The following GALNT7 variants were observed in gnomAD, a reference collection of about 807,000 sequenced individuals.
The protein encoded by GALNT7 is N-acetylgalactosaminyltransferase 7.
A neutral mutation model predicts 82.1 loss-of-function variants in GALNT7; 60 were observed. That is an observed-to-expected ratio of 0.73 (90% CI 0.59 to 0.91). The LOEUF (loss-of-function observed/expected upper bound fraction) is 0.91. Ranked by LOEUF, GALNT7 falls within the 40% of genes least tolerant of loss-of-function variation. GALNT7 has a pLI of 0.00. For missense variants in GALNT7, 660 were observed against 804.2 expected (o/e 0.82, Z 2.17); for synonymous variants, 243 against 275.1 (o/e 0.88, Z 1.15).
chr4:173,221,868 CT>C (rs1733654598), intron 1 of GALNT7, among the ~76,000 whole-genome samples: 1 of 152,160 alleles, frequency 6.6e-6, no homozygotes, highest in South Asian at 2.1e-4. Flanking sequence ...ATTTATTCAA[CT>C]TTCCCCATTC....
At chr4:173,182,421 A>G (rs1447817932) in intron 1 of GALNT7, among the ~76,000 whole-genome samples, 1 of 151,888 alleles carries the variant, frequency 6.6e-6, no homozygotes, top group South Asian at 2.1e-4. Flanking sequence ...ACTACAATCT[A>G]TTTTTTTCTC....
At chr4:173,290,756 C>A (rs542950598) in intron 2 of GALNT7, among the ~76,000 whole-genome samples, 38 of 152,334 alleles carry the variant, frequency 2.5e-4, no homozygotes, top group African/African-American at 7.9e-4. Flanking sequence ...TTCTGGCACA[C>A]AACCTGGTTT....
chr4:173,230,992 A>T (rs1424555791), intron 1 of GALNT7, among the ~76,000 whole-genome samples: 4 of 152,228 alleles, frequency 2.6e-5, no homozygotes, highest in African/African-American at 9.6e-5. Flanking sequence ...ACTTTTGCTC[A>T]CAAAAAGGCA....
chr4:173,311,448 G>T (rs1331033169), intron 8 of GALNT7, among the ~76,000 whole-genome samples: 1 of 152,234 alleles, frequency 6.6e-6, no homozygotes, highest in South Asian at 2.1e-4. Context: ...CAGTTCTGCA[G>T]GCTGTACAGG....
chr4:173,303,189 C>T (rs1363488767), intron 7 of GALNT7, among the ~76,000 whole-genome samples: 8 of 146,948 alleles, frequency 5.4e-5, no homozygotes, highest in Non-Finnish European at 1.2e-4. Context: ...AGCGAGACTC[C>T]GTCTCAAAAA....
chr4:173,199,111 A>T (rs1426249240), intron 1 of GALNT7, among the ~76,000 whole-genome samples: 1 of 152,220 alleles, frequency 6.6e-6, no homozygotes, highest in Non-Finnish European at 1.5e-5. Context: ...TATATACAAA[A>T]TATGTAGTAA....
chr4:173,208,721 G>A lies in GALNT7; in HGVS notation c.127-39259G>A, dbSNP rs765227191. Among the ~76,000 whole-genome samples the A allele has an allele frequency of 4.5e-4, 68 of 152,150 alleles. 2 individuals carry two copies. The highest frequency in any genetic ancestry group is 1.3e-4 in the Admixed American group (2 of 15,286). ...TACAAGTTATCCTCCTTGTACCTCC[G>A]TCTTTTTATTTAAATGGTTCTCTAA... On this transcript the variant is annotated intron_variant, in intron 1 of 11. Transcript: ENST00000265000.
intron 11 of GALNT7, 82 bp downstream of exon 11, chr4:173,318,641 T>C: frequency 1.1e-6 from 1 of 898,752 alleles, no homozygotes; most frequent in South Asian, 1.5e-5. Context: ...GATAAATAAA[T>C]CTTAAAACCT....
chr4:173,259,663 C>T (rs1402454695), intron 2 of GALNT7, among the ~76,000 whole-genome samples: 1 of 151,912 alleles, frequency 6.6e-6, no homozygotes, highest in East Asian at 1.9e-4. Context: ...TGAGAGAGAG[C>T]GTCTCCCTCT....
chr4:173,275,566 C>CTACG (rs1281182370), intron 2 of GALNT7, among the ~76,000 whole-genome samples: 1 of 152,142 alleles, frequency 6.6e-6, no homozygotes, highest in African/African-American at 2.4e-5. Context: ...GTTTCATGAG[C>CTACG]TACGTGCAGC....
intron 1 of GALNT7, among the ~76,000 whole-genome samples, chr4:173,204,536 C>T (rs887657406): frequency 6.6e-6 from 1 of 152,146 alleles, no homozygotes; most frequent in Non-Finnish European, 1.5e-5. Context: ...TGTATATTTT[C>T]AAATAACCTG....
chr4:173,277,725 A>G (rs1017094635), intron 2 of GALNT7, among the ~76,000 whole-genome samples: 5 of 152,264 alleles, frequency 3.3e-5, no homozygotes, highest in Non-Finnish European at 7.3e-5. Flanking sequence ...TGTTCAGAGT[A>G]AAATAATGAA....
chr4:173,184,285 C>A (rs1561145088), intron 1 of GALNT7, among the ~76,000 whole-genome samples: 1 of 152,092 alleles, frequency 6.6e-6, no homozygotes, highest in South Asian at 2.1e-4. Flanking sequence ...CGAGATCACG[C>A]CACTGCACTC....
At chr4:173,286,413 A>G (rs1323330049) in intron 2 of GALNT7, among the ~76,000 whole-genome samples, 2 of 152,184 alleles carry the variant, frequency 1.3e-5, no homozygotes, top group African/African-American at 4.8e-5. Context: ...TGGGTTGTAA[A>G]CAGTTGTTTC....
At chr4:173,217,257 AC>A (rs2126681854) in intron 1 of GALNT7, among the ~76,000 whole-genome samples, 1 of 152,276 alleles carries the variant, frequency 6.6e-6, no homozygotes, top group African/African-American at 2.4e-5. Flanking sequence ...CTGCACAGTC[AC>A]AGATCAAATC....
intron 1 of GALNT7, among the ~76,000 whole-genome samples, chr4:173,239,235 C>T (rs536538317): frequency 6.6e-6 from 1 of 152,278 alleles, no homozygotes; most frequent in South Asian, 2.1e-4. Context: ...TTTCACTTAT[C>T]TCATTTGGAT....
intron 2 of GALNT7, among the ~76,000 whole-genome samples, chr4:173,260,509 A>G (rs1390091737): frequency 6.6e-6 from 1 of 152,196 alleles, no homozygotes; most frequent in Non-Finnish European, 1.5e-5. Flanking sequence ...TATGTATAGG[A>G]AAAGACAAGG....
intron 1 of GALNT7, among the ~76,000 whole-genome samples, chr4:173,178,808 G>A (rs926348984): frequency 2.6e-5 from 4 of 152,196 alleles, no homozygotes; most frequent in Non-Finnish European, 4.4e-5. Context: ...ACTAGTCTGC[G>A]AATAGGCTTC....
rs569026299 is a variant in GALNT7, at chr4:173,231,950, G to A, written c.127-16030G>A. ...GAAAAACTAACATATAGGACAGTTA[G>A]AGAATTATAAAAATATTGAGTAGAA... On this transcript the variant is annotated intron_variant, in intron 1 of 11. Coordinates refer to ENST00000265000, the MANE Select transcript of GALNT7 (RefSeq NM_017423.3). Among the ~76,000 whole-genome samples the A allele has an allele frequency of 1.2e-4, 19 of 152,214 alleles. No homozygotes were observed. The South Asian group carries it at 3.3e-3, about 27-fold the overall frequency.
Sources: allele counts gnomAD v4.1 joint callset (sites outside exome capture counted in the v4.1 genomes callset), GRCh38; gene constraint gnomAD v4.1.1; transcripts MANE v1.5; gene names NCBI Gene and HGNC (gene_info 2026-07-23, HGNC 2026-07-21).